Variants in ANKS1A observed in about 807,000 individuals in gnomAD.
ANKS1A encodes the protein ankyrin repeat and sterile alpha motif domain containing 1A, also known as ankyrin repeat and SAM domain-containing protein 1A.
ANKS1A carries 55 observed loss-of-function variants against 120.3 expected under a neutral mutation model. The observed-to-expected ratio is 0.46, with a 90% CI of 0.37 to 0.57. The LOEUF (loss-of-function observed/expected upper bound fraction) is 0.57, where lower values mean the gene tolerates loss of function less well. ANKS1A is among the 20% of genes least tolerant of loss of function. The pLI is 0.00. For synonymous variants in ANKS1A, 590 were observed against 604.7 expected (o/e 0.98, Z 0.36); for missense variants, 1,123 against 1,480.3 (o/e 0.76, Z 3.96).
intron 1 of ANKS1A, among the ~76,000 whole-genome samples, chr6:34,948,302 C>A (rs1769904484): frequency 6.6e-6 from 1 of 151,952 alleles, no homozygotes; most frequent in Non-Finnish European, 1.5e-5. Flanking sequence ...TTTAAGGCAG[C>A]AAAATTTGAT....
intron 13 of ANKS1A, among the ~76,000 whole-genome samples, chr6:35,072,563 A>G (rs1159532158): frequency 1.3e-5 from 2 of 152,202 alleles, no homozygotes; most frequent in African/African-American, 4.8e-5. Flanking sequence ...GGCCCTTGGC[A>G]CAGTGCCCGT....
At chr6:35,046,180 C>T (rs576741350) in intron 11 of ANKS1A, among the ~76,000 whole-genome samples, 2 of 152,178 alleles carry the variant, frequency 1.3e-5, no homozygotes, top group Non-Finnish European at 2.9e-5. Context: ...GTGTACTCAT[C>T]CTGGGAACAC....
intron 13 of ANKS1A, among the ~76,000 whole-genome samples, chr6:35,070,484 C>CTTTTTTTTTTTTTTT (rs869249276): frequency 1.6e-5 from 1 of 62,970 alleles, no homozygotes; most frequent in Non-Finnish European, 2.9e-5. Flanking sequence ...AAGCCTTTAT[C>CTTTTTTTTTTTTTTT]TTTTTTTTTT....
At chr6:35,005,282 C>T (rs753421040) in intron 10 of ANKS1A, among the ~76,000 whole-genome samples, 1 of 152,142 alleles carries the variant, frequency 6.6e-6, no homozygotes, top group Non-Finnish European at 1.5e-5. Context: ...TAATGTTTTC[C>T]ACCATGTTAA....
chr6:35,091,380 T>A lies in ANKS1A; in HGVS notation c.*2771T>A. The A allele has an allele frequency of 2.0e-6, 2 of 985,472 alleles. No homozygotes were observed. The highest frequency in any genetic ancestry group is 2.4e-6 in the Non-Finnish European group (2 of 829,942). The allele number at this position is 985,472 out of a possible 1,614,324, so 61.0% of individuals were successfully genotyped here. A position where few individuals can be genotyped will look rare whatever the true frequency, so the allele number is the denominator to read the frequency against. ...GTACACAACTTAGAACAGACTGAAT[T>A]AATAAATGAGAAGCGACATGAACGC... On this transcript the variant is annotated 3_prime_UTR_variant, in exon 24 of 24. Coordinates refer to ENST00000360359, the MANE Select transcript of ANKS1A (RefSeq NM_015245.3).
intron 11 of ANKS1A, among the ~76,000 whole-genome samples, chr6:35,049,529 C>T (rs578137883): frequency 3.9e-5 from 6 of 152,080 alleles, no homozygotes; most frequent in Non-Finnish European, 8.8e-5. Flanking sequence ...GTGGAAGAGG[C>T]GAGGTGGAAG....
intron 13 of ANKS1A, among the ~76,000 whole-genome samples, chr6:35,070,102 C>T (rs1777004958): frequency 6.6e-6 from 1 of 151,056 alleles, no homozygotes; most frequent in African/African-American, 2.4e-5. Flanking sequence ...GCCCAGGAGG[C>T]AGTCCTCCCA....
rs1771106328 is a variant in ANKS1A at position 34,970,127 on chromosome 6, C to T, written c.396C>T (p.Leu132=). 1.2e-6 allele frequency: 2 copies of T among 1,613,986 alleles called. No homozygotes were observed. Among genetic ancestry groups the T allele is most frequent in the East Asian group, 4.5e-5 (2 of 44,880 alleles). The stretch of plus-strand genomic sequence containing the variant: ...GAGATGCCCAGATAGTGCGGTTGCT[C>T]ATCCATCAAGGGCCTTCACACACCA... The part of the protein sequence containing the change: ...WKGDAQIVRL[L]IHQGPSHTRV... The change falls in exon 3 of 24, where the codon CTC becomes CTT. Residue 132 remains leucine (L), a synonymous_variant. Transcript: ENST00000360359.
intron 10 of ANKS1A, among the ~76,000 whole-genome samples, chr6:35,004,230 A>T (rs1205358336): frequency 6.6e-6 from 1 of 152,080 alleles, no homozygotes; most frequent in Non-Finnish European, 1.5e-5. Flanking sequence ...TAGCCTGCTG[A>T]TGCTCCCAGC....
chr6:34,939,733 G>T (rs1383324159), intron 1 of ANKS1A, among the ~76,000 whole-genome samples: 1 of 151,992 alleles, frequency 6.6e-6, no homozygotes, highest in East Asian at 1.9e-4. Context: ...AAAAAGAAAA[G>T]GTTTGGGGAT....
chr6:34,938,804 A>G (rs1216810680), intron 1 of ANKS1A, among the ~76,000 whole-genome samples: 1 of 151,962 alleles, frequency 6.6e-6, no homozygotes. Flanking sequence ...CCTGGCCAAC[A>G]TGGTGAAACC....
intron 9 of ANKS1A, among the ~76,000 whole-genome samples, chr6:34,993,333 G>C (rs1402099861): frequency 6.6e-6 from 1 of 152,208 alleles, no homozygotes; most frequent in African/African-American, 2.4e-5. Context: ...GGAAAGCGTG[G>C]CTACTCTGGT....
intron 3 of ANKS1A, 21 bp from the exon 4 acceptor site, chr6:34,981,669 A>T (rs1453172649): frequency 6.2e-7 from 1 of 1,609,180 alleles, no homozygotes; most frequent in Non-Finnish European, 8.5e-7. Flanking sequence ...TTCTGATGTG[A>T]TCTGCTTGTT....
At position 35,057,223 on chromosome 6, in the gene ANKS1A, T is replaced by C. The variant is rs1776266171; in HGVS notation, c.2078-2924T>C. On this transcript the variant is annotated intron_variant, in intron 12 of 23. Transcript: ENST00000360359. The surrounding 1 kb of genome is among the most constrained non-coding windows in gnomAD (Gnocchi z 4.1). ...GCTGCCACCACTGGAGCTAGTTAGCTGAATCGCCAACAGAAGCGTTTACAG... is the reference window on the plus strand; with the variant it reads ...GCTGCCACCACTGGAGCTAGTTAGCCGAATCGCCAACAGAAGCGTTTACAG... 6.6e-6 allele frequency among the ~76,000 whole-genome samples: 1 copy of C among 152,078 alleles called. No individual in the cohort carries two copies. Among genetic ancestry groups the C allele is most frequent in the African/African-American group, 2.4e-5 (1 of 41,416 alleles).
intron 12 of ANKS1A, among the ~76,000 whole-genome samples, chr6:35,054,626 G>C (rs1210146058): frequency 6.6e-6 from 1 of 152,154 alleles, no homozygotes; most frequent in African/African-American, 2.4e-5. Flanking sequence ...TGACTGTGCT[G>C]TTTCCTCTTC....
chr6:34,967,211 G>T (rs771209941), intron 1 of ANKS1A, 28 bp from the exon 2 acceptor site: 6 of 1,603,842 alleles, frequency 3.7e-6, no homozygotes, highest in Non-Finnish European at 5.1e-6. Flanking sequence ...TGAAATCTAT[G>T]TCTCTCTCTT....
chr6:35,049,556 G>A (rs1775874595), intron 11 of ANKS1A, among the ~76,000 whole-genome samples: 1 of 152,212 alleles, frequency 6.6e-6, no homozygotes, highest in African/African-American at 2.4e-5. Flanking sequence ...CCCGCCCCGT[G>A]GCTCAGGCCT....
At chr6:35,018,836 C>T (rs1317666025) in intron 11 of ANKS1A, among the ~76,000 whole-genome samples, 4 of 152,126 alleles carry the variant, frequency 2.6e-5, no homozygotes, top group Non-Finnish European at 5.9e-5. Context: ...CAGCTGCATC[C>T]ATGTTGCCTG....
chr6:34,939,655 A>G (rs1328122825), intron 1 of ANKS1A, among the ~76,000 whole-genome samples: 1 of 152,084 alleles, frequency 6.6e-6, no homozygotes, highest in Non-Finnish European at 1.5e-5. Context: ...CCAGGTTACA[A>G]TGAGCTATGA....
Sources: gnomAD v4.1 joint callset for allele counts (sites outside exome capture counted in the v4.1 genomes callset) on GRCh38, gnomAD v4.1.1 for gene constraint, Gnocchi (gnomAD v3.1) non-coding constraint, MANE v1.5 for transcripts, NCBI Gene and HGNC (gene_info 2026-07-23, HGNC 2026-07-21) for gene names.